Variants in FGF9 observed in about 807,000 individuals in gnomAD.
FGF9 encodes the protein fibroblast growth factor 9 (glia-activating factor).
In FGF9, 3 loss-of-function variants were observed where a neutral mutation model predicts 19.9. The observed-to-expected ratio is 0.15, with a 90% confidence interval of 0.07 to 0.39. The LOEUF is 0.39. FGF9 is among the 10% of genes least tolerant of loss of function. FGF9 has a pLI of 1.00. For synonymous variants in FGF9, 107 were observed against 106.9 expected, an observed-to-expected ratio of 1.00 and a Z score of -0.01; for missense variants, 175 against 256.8, an observed-to-expected ratio of 0.68 and a Z score of 2.18.
At chr13:21,699,364 C>G (rs1268710234) in intron 2 of FGF9, among the ~76,000 whole-genome samples, 2 of 152,168 alleles carry the variant, frequency 1.3e-5, no homozygotes, top group Non-Finnish European at 2.9e-5. Context: ...CTTTCTGCTT[C>G]CCCCCATTTC....
At chr13:21,695,960 GA>G (rs962030492) in intron 2 of FGF9, among the ~76,000 whole-genome samples, 2 of 152,124 alleles carry the variant, frequency 1.3e-5, no homozygotes, top group Admixed American at 6.5e-5. Flanking sequence ...TATTAATATG[GA>G]AATTATGTTT....
intron 1 of FGF9, 91 bp from the exon 2 acceptor site, chr13:21,680,951 A>G (rs1240526936): frequency 2.2e-6 from 2 of 895,674 alleles, no homozygotes; most frequent in Admixed American, 1.9e-5. Flanking sequence ...AGCTGGGCTT[A>G]GTGTCCTCTC....
intron 2 of FGF9, among the ~76,000 whole-genome samples, chr13:21,686,773 G>A (rs1049170696): frequency 6.6e-6 from 1 of 152,206 alleles, no homozygotes; most frequent in Non-Finnish European, 1.5e-5. Context: ...TCATGAACAC[G>A]CACATGCAGT....
chr13:21,690,147 T>C (rs924096006), intron 2 of FGF9, among the ~76,000 whole-genome samples: 2 of 152,162 alleles, frequency 1.3e-5, no homozygotes, highest in Admixed American at 6.5e-5. Context: ...GGGCTCAAAT[T>C]GGAAGCTCTC....
At chr13:21,676,502 A>G (rs1871918236) in intron 1 of FGF9, among the ~76,000 whole-genome samples, 1 of 152,214 alleles carries the variant, frequency 6.6e-6, no homozygotes, top group South Asian at 2.1e-4. Flanking sequence ...TAGTGGAGTT[A>G]TAACTCCCAT....
chr13:21,680,087 C>G (rs1282965226), intron 1 of FGF9, among the ~76,000 whole-genome samples: 2 of 151,878 alleles, frequency 1.3e-5, no homozygotes, highest in Non-Finnish European at 2.9e-5. Context: ...TTATGCCCAG[C>G]TTAGGTGTTA....
intron 1 of FGF9, chr13:21,674,324 C>G (rs1291335980): frequency 1.6e-5 from 2 of 127,602 alleles, no homozygotes; most frequent in African/African-American, 5.8e-5. Flanking sequence ...TCGGGGGCCC[C>G]TGGCCGGAGC....
At position 21,701,700 on chromosome 13, in the gene FGF9, A is replaced by AGTGTGT. The variant is rs761639029; in HGVS notation, c.*268_*273dup. On this transcript the variant is annotated 3_prime_UTR_variant, in exon 3 of 3. Transcript: ENST00000382353. ...AGAGAGAGAGAGACTGAGCGCTAGGAGTGTGTGTATGTGTGTGTGTGTGTG... is the reference window on the plus strand; with the variant it reads ...AGAGAGAGAGAGACTGAGCGCTAGGAGTGTGTGTGTGTGTATGTGTGTGTGTGTGTG... 119 of 441,882 alleles carry AGTGTGT rather than the reference A, an allele frequency of 2.7e-4. No individual in the cohort carries two copies. Among genetic ancestry groups the AGTGTGT allele is most frequent in the East Asian group, 2.3e-3 (53 of 23,106 alleles). 27.4% of individuals were successfully genotyped at this position (441,882 alleles called of 1,614,324 possible). A position where few individuals can be genotyped will look rare whatever the true frequency, so the allele number is the denominator to read the frequency against.
intron 2 of FGF9, among the ~76,000 whole-genome samples, chr13:21,690,198 C>G (rs529270646): frequency 6.6e-5 from 10 of 152,304 alleles, no homozygotes; most frequent in East Asian, 5.8e-4. Flanking sequence ...CACACACTCA[C>G]ACACTCTTCC....
rs1872592887 is a variant in FGF9 at position 21,703,620 on chromosome 13, G to A, written c.*2185G>A. On this transcript the variant is annotated 3_prime_UTR_variant, in exon 3 of 3. Coordinates refer to ENST00000382353, the MANE Select transcript of FGF9 (RefSeq NM_002010.3). ...AAAATGTGCACATATTCAGGCTTTAGTTTTTCCAAAAGGCATTTTTTTTTT... is the reference window on the plus strand; with the variant it reads ...AAAATGTGCACATATTCAGGCTTTAATTTTTCCAAAAGGCATTTTTTTTTT... 1 of 151,604 alleles carries A rather than the reference G, an allele frequency of 6.6e-6. No individual in the cohort carries two copies. The highest frequency in any genetic ancestry group is 2.1e-4 in the South Asian group (1 of 4,820). The allele number at this position is 151,604 out of a possible 1,614,324, so 9.4% of individuals were successfully genotyped here.
intron 2 of FGF9, among the ~76,000 whole-genome samples, chr13:21,695,587 G>T (rs1872389065): frequency 6.6e-6 from 1 of 152,176 alleles, no homozygotes; most frequent in Non-Finnish European, 1.5e-5. Flanking sequence ...AGAGTGAAAA[G>T]ACCTGGCTTC....
chr13:21,678,920 T>G (rs1200607415), intron 1 of FGF9, among the ~76,000 whole-genome samples: 1 of 152,240 alleles, frequency 6.6e-6, no homozygotes, highest in Non-Finnish European at 1.5e-5. Flanking sequence ...TAAGAAGATA[T>G]TCACATACAT....
At position 21,671,516 on chromosome 13, in the gene FGF9, G is replaced by A; in HGVS notation, c.-397G>A. Reference sequence around the variant, plus strand: ...TTAAAAATCCCTATAATAACGCCTAGGCATTTAAGTTGCTATGGTCATTCT... The same window carrying A: ...TTAAAAATCCCTATAATAACGCCTAAGCATTTAAGTTGCTATGGTCATTCT... On this transcript the variant is annotated 5_prime_UTR_variant, in exon 1 of 3. Coordinates refer to ENST00000382353, the MANE Select transcript of FGF9 (RefSeq NM_002010.3). 2.1e-6 allele frequency: 1 copy of A among 487,420 alleles called. No individual in the cohort carries two copies. The highest frequency in any genetic ancestry group is 3.6e-6 in the Non-Finnish European group (1 of 279,216). The allele number at this position is 487,420 out of a possible 1,614,324, so 30.2% of individuals were successfully genotyped here. A position where few individuals can be genotyped will look rare whatever the true frequency, so the allele number is the denominator to read the frequency against.
chr13:21,700,444 T>C (rs1437190700), intron 2 of FGF9, among the ~76,000 whole-genome samples: 1 of 152,124 alleles, frequency 6.6e-6, no homozygotes, highest in Non-Finnish European at 1.5e-5. Context: ...TTTTAAAGGT[T>C]TGGGGCTCAG....
At chr13:21,685,585 G>T (rs899333486) in intron 2 of FGF9, among the ~76,000 whole-genome samples, 3 of 152,182 alleles carry the variant, frequency 2.0e-5, no homozygotes, top group Non-Finnish European at 4.4e-5. Context: ...GTGATAATTT[G>T]TCCATGTATC....
chr13:21,700,060 G>A (rs989842739), intron 2 of FGF9, among the ~76,000 whole-genome samples: 4 of 150,430 alleles, frequency 2.7e-5, no homozygotes, highest in African/African-American at 7.4e-5. Flanking sequence ...TATTTTTGTT[G>A]TTACTGCCCA....
At chr13:21,689,336 G>C (rs1290554805) in intron 2 of FGF9, among the ~76,000 whole-genome samples, 1 of 152,192 alleles carries the variant, frequency 6.6e-6, no homozygotes, top group Non-Finnish European at 1.5e-5. Context: ...GCAGGGACTT[G>C]GTGACTGTGC....
At chr13:21,698,091 A>T (rs1872454766) in intron 2 of FGF9, among the ~76,000 whole-genome samples, 1 of 152,206 alleles carries the variant, frequency 6.6e-6, no homozygotes, top group Admixed American at 6.5e-5. Flanking sequence ...TACAGGCGTG[A>T]GCCACTGCGC....
rs1427017977 is a variant in FGF9, at chr13:21,703,673, C to T, written c.*2238C>T. On this transcript the variant is annotated 3_prime_UTR_variant, in exon 3 of 3. Transcript: ENST00000382353. ...CTGAAAAATATTAAACATTTGACCA[C>T]AGGGAAGAATCAAGTTTCTAGGATG... 2.0e-5 allele frequency: 3 copies of T among 151,542 alleles called. No individual in the cohort carries two copies. Among genetic ancestry groups the T allele is most frequent in the African/African-American group, 4.9e-5 (2 of 41,178 alleles). The allele number at this position is 151,542 out of a possible 1,614,324, so 9.4% of individuals were successfully genotyped here. A position where few individuals can be genotyped will look rare whatever the true frequency, so the allele number is the denominator to read the frequency against.
Sources: allele counts gnomAD v4.1 joint callset (sites outside exome capture counted in the v4.1 genomes callset), GRCh38; gene constraint gnomAD v4.1.1; transcripts MANE v1.5; gene names NCBI Gene and HGNC (gene_info 2026-07-23, HGNC 2026-07-21).